The following FMN2 variants were observed in gnomAD, a reference collection of about 807,000 sequenced individuals.
The protein encoded by FMN2 is formin 2.
Under a neutral mutation model 142.3 loss-of-function variants are expected in FMN2, and 51 were observed. The ratio of observed to expected loss-of-function variants is 0.36; its 90% confidence interval spans 0.29 to 0.45. FMN2 has a LOEUF of 0.45. Ranked by LOEUF, FMN2 falls within the 20% of genes least tolerant of loss-of-function variation. The pLI, the probability that FMN2 is intolerant of heterozygous loss-of-function variation, is 1.00. For missense variants in FMN2, 1,936 were observed against 2,122.8 expected, an observed-to-expected ratio of 0.91 and a Z score of 1.73; for synonymous variants, 882 against 869.8, an observed-to-expected ratio of 1.01 and a Z score of -0.25.
intron 1 of FMN2, among the ~76,000 whole-genome samples, chr1:240,103,185 A>G (rs1261109209): frequency 6.6e-6 from 1 of 152,114 alleles, no homozygotes; most frequent in Non-Finnish European, 1.5e-5. Context: ...AATAACTTGG[A>G]TTATTTCTCT....
chr1:240,397,105 C>G (rs559385878), intron 15 of FMN2, among the ~76,000 whole-genome samples: 1 of 152,304 alleles, frequency 6.6e-6, no homozygotes, highest in South Asian at 2.1e-4. Flanking sequence ...TCCTGCACAG[C>G]CTCGCCAACA....
At chr1:240,223,715 G>T (rs1258020249) in intron 6 of FMN2, among the ~76,000 whole-genome samples, 1 of 152,118 alleles carries the variant, frequency 6.6e-6, no homozygotes, top group Non-Finnish European at 1.5e-5. Context: ...GGACTTGAGA[G>T]GGTGTATGTG....
chr1:240,104,174 A>G (rs996099391), intron 1 of FMN2, among the ~76,000 whole-genome samples: 1 of 150,380 alleles, frequency 6.6e-6, no homozygotes, highest in Non-Finnish European at 1.5e-5. Context: ...CACCGTGCCC[A>G]GCCGACATTA....
intron 8 of FMN2, among the ~76,000 whole-genome samples, chr1:240,322,434 C>T (rs1480781782): frequency 1.3e-5 from 2 of 152,236 alleles, no homozygotes; most frequent in East Asian, 3.9e-4. Flanking sequence ...AAAGGAATTT[C>T]TCTCTTCCTT....
chr1:240,316,021 C>T (rs1384556052), intron 8 of FMN2, among the ~76,000 whole-genome samples: 12 of 152,166 alleles, frequency 7.9e-5, no homozygotes, highest in South Asian at 2.1e-4. Context: ...AACCAAACCA[C>T]GAGATCTTTT....
intron 7 of FMN2, among the ~76,000 whole-genome samples, chr1:240,286,909 T>C (rs138235117): frequency 6.6e-6 from 1 of 152,296 alleles, no homozygotes; most frequent in East Asian, 1.9e-4. Context: ...CCTTGTGCTT[T>C]TATTGTGGTG....
At chr1:240,192,029 A>C (rs1665718492) in intron 4 of FMN2, among the ~76,000 whole-genome samples, 1 of 152,208 alleles carries the variant, frequency 6.6e-6, no homozygotes, top group South Asian at 2.1e-4. Context: ...ATGTTGTATG[A>C]TCTATATGCA....
chr1:240,159,968 T>TACACACACACAC (rs1420883044), intron 2 of FMN2, among the ~76,000 whole-genome samples: 13 of 111,136 alleles, frequency 1.2e-4, no homozygotes, highest in African/African-American at 5.5e-4. Flanking sequence ...TGTGTATATA[T>TACACACACACAC]ATATATACAC....
intron 15 of FMN2, among the ~76,000 whole-genome samples, chr1:240,421,393 A>C (rs12127799): frequency 6.6e-6 from 1 of 152,090 alleles, no homozygotes; most frequent in Middle Eastern, 3.4e-3. Flanking sequence ...ACACGTTCAA[A>C]TTACCTAATT....
chr1:240,435,715 C>T (rs1394744790), intron 15 of FMN2, among the ~76,000 whole-genome samples: 1 of 152,158 alleles, frequency 6.6e-6, no homozygotes, highest in Non-Finnish European at 1.5e-5. Context: ...GTCATAGAGG[C>T]AGGATTCAAT....
At chr1:240,245,360 G>C in intron 6 of FMN2, 1 of 391,438 alleles carries the variant, frequency 2.6e-6, no homozygotes, top group Non-Finnish European at 5.1e-6. Flanking sequence ...TACTCTCTGG[G>C]AGGAAGTGAT....
At position 240,118,850 on chromosome 1, in the gene FMN2, G is replaced by A. The variant is rs1464953049; in HGVS notation, c.1616-4329G>A. Among the ~76,000 whole-genome samples, 6 of 152,154 alleles carry A rather than the reference G, an allele frequency of 3.9e-5. No individual in the cohort carries two copies. In the East Asian group the frequency reaches 9.6e-4, roughly 24 times the overall value. On this transcript the variant is annotated intron_variant, in intron 1 of 17. Transcript: ENST00000319653. Reference sequence around the variant, plus strand: ...GGAGGTGAGTTATTTAGTGAATGACGAAGGGAGGGAATAACTAGAGGTTAG... The same window carrying A: ...GGAGGTGAGTTATTTAGTGAATGACAAAGGGAGGGAATAACTAGAGGTTAG...
At chr1:240,306,162 C>T (rs1670391738) in intron 8 of FMN2, among the ~76,000 whole-genome samples, 1 of 152,084 alleles carries the variant, frequency 6.6e-6, no homozygotes, top group South Asian at 2.1e-4. Context: ...GTTGGCCAGG[C>T]TGGTCTCGGA....
intron 15 of FMN2, among the ~76,000 whole-genome samples, chr1:240,396,058 A>T (rs1469042758): frequency 6.6e-6 from 1 of 152,242 alleles, no homozygotes; most frequent in Non-Finnish European, 1.5e-5. Flanking sequence ...TCAACATCAA[A>T]AAGATATTAA....
intron 8 of FMN2, among the ~76,000 whole-genome samples, chr1:240,324,960 T>G (rs1671111675): frequency 6.6e-6 from 1 of 152,100 alleles, no homozygotes; most frequent in African/African-American, 2.4e-5. Context: ...GCTTATGTGT[T>G]TCTTTAAGAT....
chr1:240,458,169 G>C (rs905562214), intron 16 of FMN2: 1 of 152,202 alleles, frequency 6.6e-6, no homozygotes, highest in African/African-American at 2.4e-5. Context: ...TTTATTTTTG[G>C]TGCTGGGATA....
chr1:240,211,263 G>A (rs745956417), intron 6 of FMN2, 28 bp downstream of exon 6: 3 of 1,603,108 alleles, frequency 1.9e-6, no homozygotes, highest in Non-Finnish European at 2.6e-6. Context: ...TTATGAAATT[G>A]GACAGTGTTT....
At chr1:240,443,912 G>A (rs1018588953) in intron 16 of FMN2, among the ~76,000 whole-genome samples, 7 of 152,120 alleles carry the variant, frequency 4.6e-5, no homozygotes, top group Non-Finnish European at 7.3e-5. Flanking sequence ...GGAAGGCATT[G>A]GCATGACTGT....
At chr1:240,412,223 A>G (rs377526898) in intron 15 of FMN2, among the ~76,000 whole-genome samples, 142 of 152,324 alleles carry the variant, frequency 9.3e-4, no homozygotes, top group African/African-American at 3.0e-3. Context: ...ATGTATGCCT[A>G]AAGACAAAAT....
Sources: allele counts gnomAD v4.1 joint callset (sites outside exome capture counted in the v4.1 genomes callset), GRCh38; gene constraint gnomAD v4.1.1; transcripts MANE v1.5; gene names NCBI Gene and HGNC (gene_info 2026-07-23, HGNC 2026-07-21).